Variants in EEPD1 observed in about 807,000 individuals in gnomAD.
EEPD1 encodes endonuclease/exonuclease/phosphatase family domain-containing protein 1.
A neutral mutation model predicts 46.3 loss-of-function variants in EEPD1; 17 were observed. The observed-to-expected ratio is 0.37, with a 90% CI of 0.25 to 0.55. The LOEUF is 0.55. Ranked by LOEUF, EEPD1 falls within the 20% of genes least tolerant of loss-of-function variation. The pLI, the probability that EEPD1 is intolerant of heterozygous loss-of-function variation, is 0.83. For synonymous variants in EEPD1, 313 were observed against 315.6 expected, an observed-to-expected ratio of 0.99 and a Z score of 0.09; for missense variants, 673 against 745.6, an observed-to-expected ratio of 0.90 and a Z score of 1.13.
intron 2 of EEPD1, among the ~76,000 whole-genome samples, chr7:36,233,840 G>A (rs1295408153): frequency 2.6e-5 from 4 of 152,262 alleles, no homozygotes; most frequent in East Asian, 3.9e-4. Context: ...CAGAGAGAAC[G>A]CCCACACTCC....
In EEPD1 at chr7:36,296,030, C is replaced by CAAAAA. The variant is rs34494609; in HGVS notation, c.1316-942_1316-938dup. 2.0e-3 allele frequency among the ~76,000 whole-genome samples: 140 copies of CAAAAA among 71,736 alleles called. 11 individuals are homozygous for CAAAAA. Among genetic ancestry groups the CAAAAA allele is most frequent in the Middle Eastern group, 0.016 (1 of 64 alleles). The allele number at this position is 71,736 out of a possible 152,430, so 47.1% of individuals were successfully genotyped here. A position where few individuals can be genotyped will look rare whatever the true frequency, so the allele number is the denominator to read the frequency against. Reference sequence around the variant, plus strand: ...CGGCCAACAGAGTGAGACTGTCTCACAAAAAAAAAAAAAAAAAAAAAAAAA... The same window carrying CAAAAA: ...CGGCCAACAGAGTGAGACTGTCTCACAAAAAAAAAAAAAAAAAAAAAAAAAAAAAA... On this transcript the variant is annotated intron_variant, in intron 6 of 7. Coordinates refer to ENST00000242108, the MANE Select transcript of EEPD1 (RefSeq NM_030636.3).
intron 2 of EEPD1, among the ~76,000 whole-genome samples, chr7:36,227,002 C>T (rs1460983725): frequency 6.6e-6 from 1 of 151,814 alleles, no homozygotes; most frequent in East Asian, 1.9e-4. Context: ...AGGAAACCAA[C>T]AAAGTAGACT....
chr7:36,297,366 G>A (rs201830492), intron 7 of EEPD1, among the ~76,000 whole-genome samples, 179 bp downstream of exon 7: 6 of 152,194 alleles, frequency 3.9e-5, no homozygotes, highest in East Asian at 1.9e-4. Flanking sequence ...TGTCAGTCCC[G>A]CGCTAAGGAC....
intron 3 of EEPD1, among the ~76,000 whole-genome samples, chr7:36,241,304 T>A (rs540134661): frequency 2.0e-5 from 3 of 151,754 alleles, no homozygotes; most frequent in Non-Finnish European, 2.9e-5. Context: ...TGAAACCCCA[T>A]CTCTACTAAA....
At chr7:36,248,812 T>A (rs992514886) in intron 3 of EEPD1, among the ~76,000 whole-genome samples, 1 of 152,104 alleles carries the variant, frequency 6.6e-6, no homozygotes, top group Non-Finnish European at 1.5e-5. Context: ...GTGAGCAGAT[T>A]GGGGGTGGGT....
At chr7:36,210,067 G>C (rs1054917064) in intron 2 of EEPD1, among the ~76,000 whole-genome samples, 5 of 152,128 alleles carry the variant, frequency 3.3e-5, no homozygotes, top group African/African-American at 1.2e-4. Flanking sequence ...AGGCAGCGAG[G>C]GTTTCCAAAG....
intron 2 of EEPD1, among the ~76,000 whole-genome samples, chr7:36,183,166 CTG>C (rs1442259600): frequency 6.6e-6 from 1 of 152,226 alleles, no homozygotes; most frequent in African/African-American, 2.4e-5. Context: ...GAGCAGCTGA[CTG>C]TGTAGTGTTC....
chr7:36,266,501 G>A (rs564388625), intron 3 of EEPD1, among the ~76,000 whole-genome samples: 87 of 152,278 alleles, frequency 5.7e-4, no homozygotes, highest in African/African-American at 2.0e-3. Flanking sequence ...TTTGTTGAAC[G>A]AAGGTGTGGT....
rs370310775 is a variant in EEPD1 at position 36,283,367 on chromosome 7, C to T, written c.1042-1319C>T. 2.6e-5 allele frequency among the ~76,000 whole-genome samples: 4 copies of T among 152,170 alleles called. No individual in the cohort carries two copies. In the East Asian group the frequency reaches 7.7e-4, roughly 29 times the overall value. ...AGGCAGAGGAAGGAGTAGGCCCCAC[C>T]GCAGAGGCTTCCCCTCCAGGGCCAT... On this transcript the variant is annotated intron_variant, in intron 4 of 7. Coordinates refer to ENST00000242108, the MANE Select transcript of EEPD1 (RefSeq NM_030636.3).
intron 3 of EEPD1, among the ~76,000 whole-genome samples, chr7:36,244,096 CA>C (rs1786599468): frequency 6.6e-6 from 1 of 151,170 alleles, no homozygotes; most frequent in African/African-American, 2.4e-5. Flanking sequence ...GTAGAGCCAG[CA>C]AAAAAGGGCT....
intron 3 of EEPD1, among the ~76,000 whole-genome samples, chr7:36,279,798 G>T (rs963314090): frequency 6.6e-6 from 1 of 152,252 alleles, no homozygotes; most frequent in African/African-American, 2.4e-5. Flanking sequence ...ACGTTCTCAG[G>T]TGATTCTGTG....
intron 4 of EEPD1, among the ~76,000 whole-genome samples, chr7:36,282,721 C>T (rs182844206): frequency 9.8e-5 from 15 of 152,350 alleles, no homozygotes; most frequent in South Asian, 6.2e-4. Context: ...CCAGGCGGAA[C>T]GGGCATGAGG....
intron 2 of EEPD1, among the ~76,000 whole-genome samples, chr7:36,174,572 AG>A (rs774197734): frequency 2.0e-5 from 3 of 152,076 alleles, no homozygotes; most frequent in Non-Finnish European, 4.4e-5. Flanking sequence ...CTGGATGAGG[AG>A]GGGTTGATGT....
chr7:36,292,191 C>T (rs1787453924), intron 6 of EEPD1, among the ~76,000 whole-genome samples: 1 of 152,116 alleles, frequency 6.6e-6, no homozygotes, highest in Non-Finnish European at 1.5e-5. Context: ...CTAATCCTGA[C>T]ACCAACCTGG....
intron 2 of EEPD1, among the ~76,000 whole-genome samples, chr7:36,180,341 G>T (rs972678764): frequency 3.3e-5 from 5 of 152,158 alleles, no homozygotes; most frequent in African/African-American, 1.2e-4. Context: ...AGGCAGAGGG[G>T]ATGAGGCAAC....
At chr7:36,210,916 T>C (rs771450796) in intron 2 of EEPD1, among the ~76,000 whole-genome samples, 1 of 152,220 alleles carries the variant, frequency 6.6e-6, no homozygotes, top group Non-Finnish European at 1.5e-5. Context: ...GCTCAGAGCA[T>C]AGGCTCTGAC....
chr7:36,244,216 T>C (rs1249794856), intron 3 of EEPD1, among the ~76,000 whole-genome samples: 2 of 152,056 alleles, frequency 1.3e-5, no homozygotes, highest in Non-Finnish European at 2.9e-5. Context: ...CCCAACACCC[T>C]GCTATGATAG....
intron 7 of EEPD1, 129 bp downstream of exon 7, chr7:36,297,316 T>G: frequency 9.7e-7 from 1 of 1,036,062 alleles, no homozygotes; most frequent in South Asian, 1.8e-5. Context: ...ACTGTATAAC[T>G]GTCATTTAAT....
Position 36,299,456 on chromosome 7 carries a change from G to A in EEPD1, c.*250G>A, listed in dbSNP as rs945858121. The stretch of plus-strand genomic sequence containing the variant: ...GGAGCGGAGACGCCTTTTATCTCTG[G>A]ATGCCACAGACCTGAGCAGCATTGG... On this transcript the variant is annotated 3_prime_UTR_variant, in exon 8 of 8. Coordinates refer to ENST00000242108, the MANE Select transcript of EEPD1 (RefSeq NM_030636.3). The A allele has an allele frequency of 3.6e-6, 2 of 550,522 alleles. No individual in the cohort carries two copies. The highest frequency in any genetic ancestry group is 6.5e-6 in the Non-Finnish European group (2 of 307,636). 34.1% of individuals were successfully genotyped at this position (550,522 alleles called of 1,614,324 possible).
Sources: gnomAD v4.1 joint callset for allele counts (sites outside exome capture counted in the v4.1 genomes callset) on GRCh38, gnomAD v4.1.1 for gene constraint, MANE v1.5 for transcripts, NCBI Gene and HGNC (gene_info 2026-07-23, HGNC 2026-07-21) for gene names.